Variants in SFSWAP observed in about 807,000 individuals in gnomAD.
SFSWAP encodes the protein splicing factor, suppressor of white-apricot homolog.
SFSWAP carries 17 observed loss-of-function variants against 100.7 expected under a neutral mutation model. That is an observed-to-expected ratio of 0.17 (90% CI 0.12 to 0.25). The LOEUF (loss-of-function observed/expected upper bound fraction) is 0.25. Among genes scored for constraint, SFSWAP ranks in the 10% least tolerant of loss-of-function variants. SFSWAP has a pLI of 1.00. For synonymous variants in SFSWAP, 504 were observed against 510.1 expected (o/e 0.99, Z 0.16); for missense variants, 1,005 against 1,262.6 (o/e 0.80, Z 3.09).
intron 4 of SFSWAP, among the ~76,000 whole-genome samples, chr12:131,721,460 G>A (rs1878470878): frequency 6.6e-6 from 1 of 152,098 alleles, no homozygotes; most frequent in Non-Finnish European, 1.5e-5. Flanking sequence ...TTATGCATGA[G>A]AGACACATTA....
chr12:131,783,792 T>TTTTATATATATATATATATATATA (rs1312028614), intron 14 of SFSWAP: 26 of 86,678 alleles, frequency 3.0e-4, no homozygotes, highest in Admixed American at 1.8e-3. Flanking sequence ...AAAAAACATT[T>TTTTATATATATATATATATATATA]TATATATATA....
intron 13 of SFSWAP, among the ~76,000 whole-genome samples, chr12:131,777,354 C>T (rs1035651168): frequency 5.3e-5 from 8 of 152,118 alleles, no homozygotes; most frequent in African/African-American, 1.7e-4. Flanking sequence ...CATGTGTTCT[C>T]GTTGTTCAGT....
rs1292284977 is a variant in SFSWAP at position 131,724,073 on chromosome 12, T to G, written c.607-1332T>G. 2.0e-5 allele frequency among the ~76,000 whole-genome samples: 3 copies of G among 152,374 alleles called. No individual in the cohort carries two copies. The East Asian group carries it at 5.8e-4, about 29-fold the overall frequency. On this transcript the variant is annotated intron_variant, in intron 4 of 17. Coordinates refer to ENST00000261674, the MANE Select transcript of SFSWAP (RefSeq NM_004592.4). ...CAAACCAGATACTTTTTAATCTTAT[T>G]CAGGGTTGGTAGCCAACCTTGAAAT...
intron 9 of SFSWAP, 68 bp from the exon 10 acceptor site, chr12:131,755,318 C>T: frequency 9.3e-7 from 1 of 1,070,062 alleles, no homozygotes; most frequent in Non-Finnish European, 1.4e-6. Context: ...GCTAGGAGAA[C>T]AGGGCCTGTT....
chr12:131,793,623 GT>G (rs1263714895), intron 15 of SFSWAP, among the ~76,000 whole-genome samples: 1 of 152,156 alleles, frequency 6.6e-6, no homozygotes, highest in African/African-American at 2.4e-5. Flanking sequence ...CTTCATTGAA[GT>G]TTAAAAACTT....
In SFSWAP at chr12:131,726,760, C is replaced by T. The variant is rs377562264; in HGVS notation, c.833-180C>T. Among the ~76,000 whole-genome samples, 10 of 152,194 alleles carry T rather than the reference C, an allele frequency of 6.6e-5. No homozygotes were observed. In the East Asian group the frequency reaches 7.7e-4, roughly 12 times the overall value. On this transcript the variant is annotated intron_variant, in intron 5 of 17. Transcript: ENST00000261674. ...AAGGAGTCACCAAATGGGCAAAGGTCGCAATCCTTTTTATCTGGCCTTCTT... is the reference window on the plus strand; with the variant it reads ...AAGGAGTCACCAAATGGGCAAAGGTTGCAATCCTTTTTATCTGGCCTTCTT...
Position 131,733,761 on chromosome 12 carries a change from G to A in SFSWAP, c.1081+5333G>A, listed in dbSNP as rs1879733784. Reference sequence around the variant, plus strand: ...GGCTTGGTGAGGTGGGGGACAGGCAGGGGTGGGCCCCGAGGTGTGCAGAGT... The same window carrying A: ...GGCTTGGTGAGGTGGGGGACAGGCAAGGGTGGGCCCCGAGGTGTGCAGAGT... On this transcript the variant is annotated intron_variant, in intron 7 of 17. Coordinates refer to ENST00000261674, the MANE Select transcript of SFSWAP (RefSeq NM_004592.4). The surrounding 1 kb of genome is among the most constrained non-coding windows in gnomAD (Gnocchi z 5.1). Among the ~76,000 whole-genome samples, 1 of 152,090 alleles carries A rather than the reference G, an allele frequency of 6.6e-6. No individual in the cohort carries two copies. Among genetic ancestry groups the A allele is most frequent in the Non-Finnish European group, 1.5e-5 (1 of 67,982 alleles).
At chr12:131,769,350 G>A (rs929625299) in intron 13 of SFSWAP, among the ~76,000 whole-genome samples, 1 of 152,152 alleles carries the variant, frequency 6.6e-6, no homozygotes. Context: ...GTGGCGTACG[G>A]GTTCTCATGT....
chr12:131,755,763 C>T (rs926344334), intron 10 of SFSWAP, among the ~76,000 whole-genome samples: 5 of 152,204 alleles, frequency 3.3e-5, no homozygotes, highest in Non-Finnish European at 7.3e-5. Context: ...ATGTTTTGGC[C>T]GTCTACAGTT....
rs1878866769 is a variant in SFSWAP, at chr12:131,725,410, A to G, written c.612A>G (p.Pro204=). The change falls in exon 5 of 18, where the codon CCA becomes CCG. Residue 204 remains proline, a synonymous_variant. Coordinates refer to ENST00000261674, the MANE Select transcript of SFSWAP (RefSeq NM_004592.4). This position sits in a 1 kb window ranked among gnomAD's most constrained non-coding sequence, Gnocchi z 4.3. ...LSVPSDVELP[P]TAKMHAIIER... ...ATATGTGTGTTTTCCCGTAGCCACC[A>G]ACCGCTAAAATGCACGCCATCATCG... 6.2e-7 allele frequency: 1 copy of G among 1,614,034 alleles called. No individual in the cohort carries two copies. Among genetic ancestry groups the G allele is most frequent in the Non-Finnish European group, 8.5e-7 (1 of 1,180,010 alleles).
At chr12:131,768,903 C>T (rs1353963084) in intron 13 of SFSWAP, among the ~76,000 whole-genome samples, 3 of 152,082 alleles carry the variant, frequency 2.0e-5, no homozygotes, top group Admixed American at 6.6e-5. Flanking sequence ...GCGGGTGGAT[C>T]GCTTGAGGCC....
At chr12:131,769,694 T>C (rs1212946770) in intron 13 of SFSWAP, among the ~76,000 whole-genome samples, 4 of 152,194 alleles carry the variant, frequency 2.6e-5, no homozygotes, top group African/African-American at 9.7e-5. Context: ...TGGCGCAGTC[T>C]TGGCTCACTG....
At chr12:131,798,762 C>G (rs1202715385) in intron 16 of SFSWAP, among the ~76,000 whole-genome samples, 3 of 152,048 alleles carry the variant, frequency 2.0e-5, no homozygotes, top group Non-Finnish European at 4.4e-5. Context: ...TGGTGGCACA[C>G]GCCTGCAATC....
At chr12:131,756,054 G>A (rs895759314) in intron 10 of SFSWAP, among the ~76,000 whole-genome samples, 4 of 152,190 alleles carry the variant, frequency 2.6e-5, no homozygotes, top group African/African-American at 9.7e-5. Context: ...AGCCAGTTTT[G>A]GTGAGGAGAT....
chr12:131,716,717 G>A (rs1242346399), intron 3 of SFSWAP, among the ~76,000 whole-genome samples: 2 of 152,188 alleles, frequency 1.3e-5, no homozygotes, highest in Non-Finnish European at 2.9e-5. Flanking sequence ...CAACAGAGTT[G>A]AAGAAATGAA....
rs932111503 is a variant in SFSWAP, at chr12:131,799,094, G to A, written c.2775G>A (p.Gln925=). The A allele has an allele frequency of 1.9e-6, 3 of 1,614,058 alleles. No individual in the cohort carries two copies. In the Admixed American group the frequency reaches 5.0e-5, roughly 27 times the overall value. The change falls in exon 17 of 18, where the codon CAG becomes CAA. Residue 925 remains glutamine, a synonymous_variant. Transcript: ENST00000261674. ...CTTCAGCAATCGTTTCTTCCGTGCA[G>A]AGCAAAATCACTCAGGTCAGTGGGC... ...QISSAIVSSV[Q]SKITQDLMAK... is the part of the protein sequence containing the mutation.
chr12:131,792,237 CGT>C (rs1384278608), intron 15 of SFSWAP, among the ~76,000 whole-genome samples: 2 of 145,648 alleles, frequency 1.4e-5, no homozygotes, highest in Non-Finnish European at 3.0e-5. Context: ...TGTGTGCGCC[CGT>C]GTGTGTTCAC....
chr12:131,753,047 T>C (rs1417482236), intron 7 of SFSWAP, 76 bp from the exon 8 acceptor site: 2 of 1,579,138 alleles, frequency 1.3e-6, no homozygotes, highest in South Asian at 1.2e-5. Context: ...GGGGAAGGGC[T>C]CTTGTGGCTG....
At chr12:131,780,535 A>G (rs535134259) in intron 14 of SFSWAP, among the ~76,000 whole-genome samples, 38 of 151,852 alleles carry the variant, frequency 2.5e-4, no homozygotes, top group Middle Eastern at 3.4e-3. Context: ...GATGCTTTGA[A>G]CTCCTGAGCT....
Sources: allele counts gnomAD v4.1 joint callset (sites outside exome capture counted in the v4.1 genomes callset), GRCh38; gene constraint gnomAD v4.1.1; non-coding constraint Gnocchi (gnomAD v3.1); transcripts MANE v1.5; gene names NCBI Gene and HGNC (gene_info 2026-07-23, HGNC 2026-07-21).